DENND5B: variants seen among roughly 807,000 people sequenced by gnomAD.
DENND5B encodes DENN domain containing 5B.
A neutral mutation model predicts 140.6 loss-of-function variants in DENND5B; 34 were observed. The observed-to-expected ratio is 0.24, with a 90% CI of 0.18 to 0.32. DENND5B has a LOEUF of 0.32. DENND5B is among the 10% of genes least tolerant of loss of function. DENND5B has a pLI of 1.00. For missense variants in DENND5B, 1,142 were observed against 1,560.2 expected (o/e 0.73, Z 4.52); for synonymous variants, 551 against 562.1 (o/e 0.98, Z 0.28).
At chr12:31,387,826 C>T in intron 20 of DENND5B, 40 bp from the exon 21 acceptor site, 1 of 1,586,808 alleles carries the variant, frequency 6.3e-7, no homozygotes, top group East Asian at 2.2e-5. Flanking sequence ...GCATTGCTGG[C>T]CTCGCTGCAG....
chr12:31,458,440 T>C (rs1185005387), intron 4 of DENND5B, among the ~76,000 whole-genome samples: 1 of 152,176 alleles, frequency 6.6e-6, no homozygotes, highest in African/African-American at 2.4e-5. Flanking sequence ...GATTAACTTC[T>C]TGGAGCAAAT....
At chr12:31,418,667 A>C (rs1165528985) in intron 11 of DENND5B, among the ~76,000 whole-genome samples, 7 of 152,164 alleles carry the variant, frequency 4.6e-5, no homozygotes, top group African/African-American at 1.2e-4. Flanking sequence ...AGACAGAATG[A>C]AAGATGGCCA....
chr12:31,522,457 T>TA (rs1472282884), intron 1 of DENND5B, among the ~76,000 whole-genome samples: 5 of 152,136 alleles, frequency 3.3e-5, no homozygotes, highest in African/African-American at 1.2e-4. Flanking sequence ...TTGCTATTAT[T>TA]ATTTTGAGAC....
intron 2 of DENND5B, among the ~76,000 whole-genome samples, chr12:31,490,977 C>T (rs1346921256): frequency 6.6e-6 from 1 of 152,016 alleles, no homozygotes; most frequent in East Asian, 1.9e-4. Flanking sequence ...AAAATAGAAT[C>T]CTTATATTTT....
In DENND5B at chr12:31,479,671, T is replaced by A; in HGVS notation, c.822A>T (p.Ala274=). ...LPLSDYPLRE[A]FELLGLENLV... ...GGTTCTCTAATCCCAGGAGCTCAAA[T>A]GCCTCCCGAAGGGGGTAATCAGAGA... The change falls in exon 3 of 21, where the codon GCA becomes GCT. Residue 274 remains alanine (A), a synonymous_variant. Transcript: ENST00000389082. 6.3e-7 allele frequency: 1 copy of A among 1,578,356 alleles called. No homozygotes were observed.
intron 1 of DENND5B, among the ~76,000 whole-genome samples, chr12:31,500,136 T>A (rs1185802486): frequency 6.6e-6 from 1 of 152,236 alleles, no homozygotes; most frequent in East Asian, 1.9e-4. Flanking sequence ...ATTGGAATAC[T>A]GGCACTCAAA....
chr12:31,458,778 T>C (rs895687652), intron 4 of DENND5B, among the ~76,000 whole-genome samples: 1 of 152,168 alleles, frequency 6.6e-6, no homozygotes, highest in Non-Finnish European at 1.5e-5. Flanking sequence ...CAGCATGAGA[T>C]TCTATTAAGA....
intron 8 of DENND5B, chr12:31,431,988 C>A: frequency 1.1e-6 from 1 of 908,936 alleles, no homozygotes; most frequent in Non-Finnish European, 1.3e-6. Context: ...TCAAGTAACA[C>A]CAAAGACAAG....
chr12:31,481,566 G>A (rs1946072111), intron 2 of DENND5B, among the ~76,000 whole-genome samples: 1 of 152,226 alleles, frequency 6.6e-6, no homozygotes, highest in African/African-American at 2.4e-5. Flanking sequence ...CTCAGGACGA[G>A]TATAGGTCTT....
intron 3 of DENND5B, among the ~76,000 whole-genome samples, chr12:31,461,306 A>T (rs1323352220): frequency 6.6e-6 from 1 of 152,096 alleles, no homozygotes; most frequent in Admixed American, 6.6e-5. Flanking sequence ...TCTATGTCTA[A>T]CCCCTAGCCA....
At chr12:31,574,558 C>T (rs146310786) in intron 1 of DENND5B, among the ~76,000 whole-genome samples, 2,074 of 151,996 alleles carry the variant, frequency 0.014, 20 homozygotes, top group Non-Finnish European at 0.019. Context: ...TCACCGCACT[C>T]CAGCCTGGGT....
At chr12:31,505,126 G>A (rs368128777) in intron 1 of DENND5B, among the ~76,000 whole-genome samples, 1 of 151,970 alleles carries the variant, frequency 6.6e-6, no homozygotes, top group African/African-American at 2.4e-5. Flanking sequence ...TTGACTTTCT[G>A]ACTATAATAC....
At chr12:31,449,583 A>T (rs1944416786) in intron 5 of DENND5B, among the ~76,000 whole-genome samples, 1 of 152,030 alleles carries the variant, frequency 6.6e-6, no homozygotes, top group Non-Finnish European at 1.5e-5. Flanking sequence ...CCAACAGAAA[A>T]TTTTCATTTC....
chr12:31,482,141 T>C (rs1946094461), intron 2 of DENND5B, among the ~76,000 whole-genome samples: 1 of 152,224 alleles, frequency 6.6e-6, no homozygotes, highest in South Asian at 2.1e-4. Context: ...ATTGTGGTCC[T>C]TTCCTTTACC....
At chr12:31,503,913 T>G (rs1947101031) in intron 1 of DENND5B, among the ~76,000 whole-genome samples, 2 of 152,126 alleles carry the variant, frequency 1.3e-5, no homozygotes, top group Admixed American at 1.3e-4. Flanking sequence ...AAGCCTAGTT[T>G]TAAACAAAAT....
At chr12:31,420,938 T>C (rs905322957) in intron 11 of DENND5B, among the ~76,000 whole-genome samples, 3 of 152,208 alleles carry the variant, frequency 2.0e-5, no homozygotes, top group Non-Finnish European at 4.4e-5. Flanking sequence ...ACTCTTAAAA[T>C]GTCTCTGACT....
intron 17 of DENND5B, among the ~76,000 whole-genome samples, chr12:31,394,111 T>G (rs1941304593): frequency 6.6e-6 from 1 of 152,242 alleles, no homozygotes; most frequent in South Asian, 2.1e-4. Context: ...AGTGGTTTCT[T>G]TACCCAGTAG....
At chr12:31,392,422 A>G in intron 18 of DENND5B, 29 bp from the exon 19 acceptor site, 2 of 1,608,638 alleles carry the variant, frequency 1.2e-6, no homozygotes, top group African/African-American at 2.7e-5. Flanking sequence ...AGTGCCAAAG[A>G]AAAATCTCCT....
At chr12:31,454,810 A>ATTT (rs1944694092) in intron 4 of DENND5B, among the ~76,000 whole-genome samples, 2 of 106,354 alleles carry the variant, frequency 1.9e-5, no homozygotes, top group African/African-American at 3.6e-5. Flanking sequence ...ATGATTCAGT[A>ATTT]TCTTTTTTTT....
Sources: gnomAD v4.1 joint callset for allele counts (sites outside exome capture counted in the v4.1 genomes callset) on GRCh38, gnomAD v4.1.1 for gene constraint, MANE v1.5 for transcripts, NCBI Gene and HGNC (gene_info 2026-07-23, HGNC 2026-07-21) for gene names.